The following CCDC3 variants were observed in gnomAD, a reference collection of about 807,000 sequenced individuals.
The protein encoded by CCDC3 is coiled-coil domain-containing protein 3.
CCDC3 carries 24 observed loss-of-function variants against 21.4 expected under a neutral mutation model. The observed-to-expected ratio is 1.12, with a 90% CI of 0.81 to 1.58. The LOEUF (loss-of-function observed/expected upper bound fraction) is 1.58. CCDC3 is among the 40% of genes most tolerant of loss of function. The pLI, the probability that CCDC3 is intolerant of heterozygous loss-of-function variation, is 0.00. For missense variants in CCDC3, 425 were observed against 360.9 expected (o/e 1.18, Z -1.44); for synonymous variants, 186 against 166.0 (o/e 1.12, Z -0.93).
At chr10:13,014,515 A>G (rs921615076) in intron 5 of CCDC3, among the ~76,000 whole-genome samples, 2 of 152,002 alleles carry the variant, frequency 1.3e-5, no homozygotes, top group African/African-American at 4.8e-5. Context: ...CAAAAGACTA[A>G]TGCAACACAC....
intron 2 of CCDC3, among the ~76,000 whole-genome samples, chr10:12,931,127 C>T (rs1834633004): frequency 6.9e-6 from 1 of 145,096 alleles, no homozygotes; most frequent in Non-Finnish European, 1.5e-5. Flanking sequence ...AGGACAATCA[C>T]TTGAACCCAG....
chr10:13,011,496 C>T (rs1221214843), intron 5 of CCDC3, among the ~76,000 whole-genome samples: 1 of 151,980 alleles, frequency 6.6e-6, no homozygotes, highest in Admixed American at 6.6e-5. Context: ...TGAAAGATCT[C>T]TACAATAAGA....
rs370307343 is a variant in CCDC3, at chr10:12,994,557, C to T, written c.549+3781G>A. Among the ~76,000 whole-genome samples, 624 of 152,202 alleles carry T rather than the reference C, an allele frequency of 4.1e-3. 1 individual carries two copies. Among genetic ancestry groups the T allele is most frequent in the Non-Finnish European group, 7.5e-3 (511 of 68,002 alleles). ...AAGTCCCAGGCCCTTCATAACTGCT[C>T]TTAGAATATGCGGAGTGTTAGCGTG... On this transcript the variant is annotated intron_variant, in intron 2 of 2. Coordinates refer to ENST00000378825, the MANE Select transcript of CCDC3 (RefSeq NM_031455.4).
chr10:12,961,230 T>C (rs1353064166), intron 2 of CCDC3, among the ~76,000 whole-genome samples: 1 of 152,210 alleles, frequency 6.6e-6, no homozygotes, highest in Non-Finnish European at 1.5e-5. Context: ...TCTCCTCATC[T>C]GTGAGATGAG....
chr10:13,044,298 G>A (rs558646671), intron 5 of CCDC3, among the ~76,000 whole-genome samples: 6 of 152,108 alleles, frequency 3.9e-5, no homozygotes, highest in Non-Finnish European at 8.8e-5. Flanking sequence ...CTCCCATTCC[G>A]TAGGTTGTCT....
chr10:13,034,803 T>C (rs961226403), intron 5 of CCDC3, among the ~76,000 whole-genome samples: 3 of 151,964 alleles, frequency 2.0e-5, no homozygotes, highest in African/African-American at 2.4e-5. Flanking sequence ...AGTGGGTGGA[T>C]TGCTTGAGGT....
chr10:12,901,868 A>G (rs7905240), intron 2 of CCDC3, among the ~76,000 whole-genome samples: 20,469 of 152,108 alleles, frequency 0.13, 1,667 homozygotes, highest in East Asian at 0.23. Flanking sequence ...CTCTTCCTCC[A>G]ACACATCAGC....
chr10:12,986,541 A>C (rs549163342), intron 2 of CCDC3, among the ~76,000 whole-genome samples: 1 of 152,204 alleles, frequency 6.6e-6, no homozygotes, highest in Non-Finnish European at 1.5e-5. Context: ...TTGGGAGGCC[A>C]AGGCGGGCGG....
intron 2 of CCDC3, among the ~76,000 whole-genome samples, chr10:12,926,022 A>G (rs1319823941): frequency 6.6e-6 from 1 of 152,228 alleles, no homozygotes; most frequent in Non-Finnish European, 1.5e-5. Context: ...CCAAGAGCAG[A>G]GGCTGGGTAG....
intron 2 of CCDC3, among the ~76,000 whole-genome samples, chr10:12,986,091 G>C (rs920268499): frequency 6.6e-6 from 1 of 152,170 alleles, no homozygotes; most frequent in African/African-American, 2.4e-5. Flanking sequence ...GTGAGCCACC[G>C]TGCCTGGCCT....
chr10:13,020,483 A>AT (rs1251787191), intron 5 of CCDC3, among the ~76,000 whole-genome samples: 7 of 152,170 alleles, frequency 4.6e-5, no homozygotes, highest in Non-Finnish European at 1.0e-4. Flanking sequence ...GAATAAGCTT[A>AT]TTTTTTCTTT....
exon 1 of CCDC3, chr10:13,099,562 C>CTA (rs1832691338): frequency 6.6e-6 from 1 of 151,980 alleles, no homozygotes; most frequent in Admixed American, 6.6e-5. Context: ...CCAGCAGAGG[C>CTA]TATTCTTCAG....
chr10:13,018,914 A>G (rs965791132), intron 5 of CCDC3, among the ~76,000 whole-genome samples: 1 of 151,038 alleles, frequency 6.6e-6, no homozygotes, highest in Non-Finnish European at 1.5e-5. Flanking sequence ...TCCAGCCTAG[A>G]TGACAAGAGC....
At position 13,070,256 on chromosome 10, in the gene CCDC3, C is replaced by T. The variant is rs532428292; in HGVS notation, c.-270+3612G>A. Among the ~76,000 whole-genome samples, 19 of 152,328 alleles carry T rather than the reference C, an allele frequency of 1.2e-4. No homozygotes were observed. The South Asian group carries it at 1.5e-3, about 12-fold the overall frequency. Reference sequence around the variant, plus strand: ...AGTATATTTGTCTCTGTCTCTCTGCCTGGCTTCTCCAGAATTTGGAAACTA... The same window carrying T: ...AGTATATTTGTCTCTGTCTCTCTGCTTGGCTTCTCCAGAATTTGGAAACTA... On this transcript the variant is annotated intron_variant, in intron 4 of 6. Transcript: ENST00000378839.
chr10:12,898,473 G>A lies in CCDC3; in HGVS notation c.756C>T (p.Gly252=), dbSNP rs773681767. The A allele has an allele frequency of 4.3e-6, 7 of 1,613,062 alleles. No homozygotes were observed. The highest frequency in any genetic ancestry group is 2.2e-5 in the East Asian group (1 of 44,864). Residue 252 remains glycine (G), a synonymous_variant, in exon 3 of 3, where the codon GGC becomes GGT. Coordinates refer to ENST00000378825, the MANE Select transcript of CCDC3 (RefSeq NM_031455.4). ...NQKLSEKLAA[G]ALPHINARGP... Reference sequence around the variant, plus strand: ...CCCGGGCATTGATGTGCGGCAGCGCGCCCGCCGCCAGCTTCTCACTGAGTT... The same window carrying A: ...CCCGGGCATTGATGTGCGGCAGCGCACCCGCCGCCAGCTTCTCACTGAGTT...
intron 4 of CCDC3, among the ~76,000 whole-genome samples, chr10:13,073,633 T>C (rs1836914148): frequency 6.6e-6 from 1 of 151,822 alleles, no homozygotes; most frequent in Admixed American, 6.6e-5. Flanking sequence ...CAGCTACAAC[T>C]ACAAGCACCT....
intron 2 of CCDC3, among the ~76,000 whole-genome samples, chr10:12,958,691 C>G (rs1835131237): frequency 6.6e-6 from 1 of 152,180 alleles, no homozygotes; most frequent in African/African-American, 2.4e-5. Flanking sequence ...TCTGCCAGAG[C>G]TGGGGGGCAG....
At chr10:12,924,526 C>T (rs576360600) in intron 2 of CCDC3, among the ~76,000 whole-genome samples, 7 of 152,272 alleles carry the variant, frequency 4.6e-5, no homozygotes, top group African/African-American at 7.2e-5. Context: ...TGAGAATAGC[C>T]GAAGTGGAAC....
At chr10:13,075,058 C>T (rs1324655620) in intron 3 of CCDC3, among the ~76,000 whole-genome samples, 2 of 152,288 alleles carry the variant, frequency 1.3e-5, no homozygotes, top group Non-Finnish European at 2.9e-5. Flanking sequence ...TCAGAACTGA[C>T]GCATAGGTGC....
Sources: gnomAD v4.1 joint callset for allele counts (sites outside exome capture counted in the v4.1 genomes callset) on GRCh38, gnomAD v4.1.1 for gene constraint, MANE v1.5 for transcripts, NCBI Gene and HGNC (gene_info 2026-07-23, HGNC 2026-07-21) for gene names.